The following VPS41 variants were observed in gnomAD, a reference collection of about 807,000 sequenced individuals.
The protein encoded by VPS41 is vacuolar protein sorting-associated protein 41 homolog.
A neutral mutation model predicts 130.9 loss-of-function variants in VPS41; 85 were observed. The ratio of observed to expected loss-of-function variants is 0.65; its 90% confidence interval spans 0.55 to 0.78. The LOEUF is 0.78. Among genes scored for constraint, VPS41 ranks in the 30% least tolerant of loss-of-function variants. VPS41 has a pLI of 0.00. For missense variants in VPS41, 874 were observed against 1,018.7 expected (o/e 0.86, Z 1.93); for synonymous variants, 335 against 332.9 (o/e 1.01, Z -0.07).
intron 9 of VPS41, among the ~76,000 whole-genome samples, chr7:38,794,150 A>G (rs1784579939): frequency 6.6e-6 from 1 of 152,172 alleles, no homozygotes; most frequent in Non-Finnish European, 1.5e-5. Context: ...CTTTAAAACT[A>G]ACAAGCAACC....
intron 2 of VPS41, among the ~76,000 whole-genome samples, chr7:38,889,556 A>G (rs1786814352): frequency 7.7e-6 from 1 of 129,426 alleles, no homozygotes; most frequent in Non-Finnish European, 1.8e-5. Flanking sequence ...AAACAAAACA[A>G]AACAAAAAAA....
chr7:38,754,735 T>C lies in VPS41; in HGVS notation c.1755A>G (p.Glu585=), dbSNP rs201261315. 6.2e-7 allele frequency: 1 copy of C among 1,613,550 alleles called. No homozygotes were observed. The highest frequency in any genetic ancestry group is 1.3e-5 in the African/African-American group (1 of 75,050). The part of the protein sequence containing the change: ...EDKISIKKVV[E]ELEDRPELQH... Reference sequence around the variant, plus strand: ...GTAGCTCTGGTCTGTCTTCCAATTCTTCCACTACCTTTTTAATCTAGATAA... The same window carrying C: ...GTAGCTCTGGTCTGTCTTCCAATTCCTCCACTACCTTTTTAATCTAGATAA... The change falls in exon 21 of 29, where the codon GAA becomes GAG. Residue 585 remains glutamate (E), a synonymous_variant. Transcript: ENST00000310301.
At position 38,764,039 on chromosome 7, in the gene VPS41, G is replaced by A. The variant is rs2115788955; in HGVS notation, c.1330-492C>T. Among the ~76,000 whole-genome samples, 2 of 152,278 alleles carry A rather than the reference G, an allele frequency of 1.3e-5. 1 individual carries two copies. The highest frequency in any genetic ancestry group is 4.1e-4 in the South Asian group (2 of 4,828). The stretch of plus-strand genomic sequence containing the variant: ...GTCAAATTTACAAATACTGTTCAAT[G>A]ACCCTATAATGCCCTACAATCCAAT... On this transcript the variant is annotated intron_variant, in intron 16 of 28. Coordinates refer to ENST00000310301, the MANE Select transcript of VPS41 (RefSeq NM_014396.4).
intron 1 of VPS41, among the ~76,000 whole-genome samples, chr7:38,905,053 A>T (rs1218095914): frequency 3.3e-5 from 5 of 152,200 alleles, no homozygotes; most frequent in African/African-American, 1.2e-4. Flanking sequence ...AAGATAAAAT[A>T]ATTTCACGCA....
intron 5 of VPS41, among the ~76,000 whole-genome samples, chr7:38,824,570 A>G (rs1785233605): frequency 6.6e-6 from 1 of 152,214 alleles, no homozygotes; most frequent in Admixed American, 6.5e-5. Context: ...TCTACATGCT[A>G]TCTTTATATA....
intron 4 of VPS41, among the ~76,000 whole-genome samples, chr7:38,850,013 T>G (rs900458185): frequency 1.3e-5 from 2 of 152,144 alleles, no homozygotes; most frequent in African/African-American, 4.8e-5. Context: ...TGATACATAT[T>G]TACTGCATTA....
intron 17 of VPS41, among the ~76,000 whole-genome samples, chr7:38,760,249 G>T (rs902101661): frequency 1.3e-5 from 2 of 152,136 alleles, no homozygotes; most frequent in Non-Finnish European, 2.9e-5. Context: ...ACAGTAAAGA[G>T]AATTAAAAAC....
chr7:38,761,509 T>A (rs1378167442), intron 17 of VPS41, among the ~76,000 whole-genome samples: 1 of 151,560 alleles, frequency 6.6e-6, no homozygotes, highest in African/African-American at 2.4e-5. Context: ...GGTCTCCATC[T>A]CCTGACCTTG....
intron 27 of VPS41, 115 bp downstream of exon 27, chr7:38,728,427 G>A (rs575844567): frequency 9.5e-6 from 11 of 1,158,658 alleles, no homozygotes; most frequent in Middle Eastern, 2.0e-4. Context: ...TCTCTCCACT[G>A]GGTTATTCTG....
intron 15 of VPS41, among the ~76,000 whole-genome samples, chr7:38,767,147 A>G (rs1020062962): frequency 6.6e-6 from 1 of 152,150 alleles, no homozygotes; most frequent in Admixed American, 6.5e-5. Context: ...CTTGGCTGGT[A>G]CTATTGCTCA....
At chr7:38,906,642 G>A (rs955869333) in intron 1 of VPS41, among the ~76,000 whole-genome samples, 1 of 152,094 alleles carries the variant, frequency 6.6e-6, no homozygotes, top group Non-Finnish European at 1.5e-5. Flanking sequence ...CCTGGTCCAC[G>A]ACTAGTCTTT....
rs905353213 is a variant in VPS41 at position 38,869,559 on chromosome 7, C to T, written c.61-306G>A. 3.9e-5 allele frequency among the ~76,000 whole-genome samples: 6 copies of T among 152,168 alleles called. No homozygotes were observed. The East Asian group carries it at 1.2e-3, about 29-fold the overall frequency. On this transcript the variant is annotated intron_variant, in intron 2 of 28. Transcript: ENST00000310301. ...CTTCATAAACTATTCTTAATCCTCA[C>T]AGTTATGGAATAAAGTTAGTAATCA...
intron 25 of VPS41, among the ~76,000 whole-genome samples, chr7:38,737,481 C>T (rs917506592): frequency 1.1e-4 from 17 of 152,116 alleles, no homozygotes; most frequent in African/African-American, 3.4e-4. Flanking sequence ...AAGCATTACC[C>T]ATGAAAAGAA....
intron 6 of VPS41, 63 bp from the exon 7 acceptor site, chr7:38,817,945 C>T (rs1785091802): frequency 7.9e-7 from 1 of 1,273,250 alleles, no homozygotes; most frequent in Non-Finnish European, 1.1e-6. Flanking sequence ...GAATGAAAAC[C>T]CCTGACACAG....
chr7:38,747,243 A>G (rs1374465616), intron 22 of VPS41, among the ~76,000 whole-genome samples: 2 of 152,232 alleles, frequency 1.3e-5, no homozygotes, highest in African/African-American at 4.8e-5. Context: ...GTTAAATAAT[A>G]AAGCAAAATA....
chr7:38,740,131 AAGCTTCTTGCACTAC>A (rs1162239500), intron 25 of VPS41, among the ~76,000 whole-genome samples: 2 of 152,210 alleles, frequency 1.3e-5, no homozygotes, highest in African/African-American at 4.8e-5. Context: ...AACCTAGTGC[AAGCTTCTTGCACTAC>A]AGCTGAAAGG....
chr7:38,803,986 G>T (rs1784787218), intron 7 of VPS41, among the ~76,000 whole-genome samples: 1 of 152,158 alleles, frequency 6.6e-6, no homozygotes, highest in Non-Finnish European at 1.5e-5. Flanking sequence ...AAATTCAGTG[G>T]TTATTTTCTG....
intron 10 of VPS41, among the ~76,000 whole-genome samples, chr7:38,785,632 A>C (rs1021988254): frequency 2.0e-5 from 3 of 152,246 alleles, no homozygotes; most frequent in Non-Finnish European, 4.4e-5. Flanking sequence ...GGCATTGCCA[A>C]TGACCTGCTA....
chr7:38,784,584 G>A (rs925144231), intron 10 of VPS41, among the ~76,000 whole-genome samples: 2 of 150,336 alleles, frequency 1.3e-5, no homozygotes, highest in Admixed American at 6.7e-5. Context: ...GCAGTAAGGC[G>A]TGATTATGCC....
Sources: allele counts gnomAD v4.1 joint callset (sites outside exome capture counted in the v4.1 genomes callset), GRCh38; gene constraint gnomAD v4.1.1; transcripts MANE v1.5; gene names NCBI Gene and HGNC (gene_info 2026-07-23, HGNC 2026-07-21).